Variants in USP40 observed in about 807,000 individuals in gnomAD.
The protein encoded by USP40 is ubiquitin carboxyl-terminal hydrolase 40.
Under a neutral mutation model 166.2 loss-of-function variants are expected in USP40, and 143 were observed. That is an observed-to-expected ratio of 0.86 (90% CI 0.75 to 0.99). The LOEUF (loss-of-function observed/expected upper bound fraction) is 0.99. USP40 is among the 50% of genes least tolerant of loss of function. The pLI is 0.00. For synonymous variants in USP40, 498 were observed against 524.0 expected (o/e 0.95, Z 0.68); for missense variants, 1,444 against 1,479.7 (o/e 0.98, Z 0.40).
At chr2:233,536,138 C>T (rs1253548379) in intron 10 of USP40, among the ~76,000 whole-genome samples, 9 of 151,956 alleles carry the variant, frequency 5.9e-5, no homozygotes, top group African/African-American at 1.7e-4. Context: ...AAAGAGTCAA[C>T]AGAATCAAAT....
chr2:233,477,870 C>T (rs1233711584), intron 31 of USP40, among the ~76,000 whole-genome samples: 1 of 152,260 alleles, frequency 6.6e-6, no homozygotes, highest in Non-Finnish European at 1.5e-5. Context: ...ATCACGCACA[C>T]CTGTGTGACA....
At chr2:233,478,137 C>T (rs548050009) in intron 31 of USP40, among the ~76,000 whole-genome samples, 1 of 152,376 alleles carries the variant, frequency 6.6e-6, no homozygotes, top group Admixed American at 6.5e-5. Context: ...CAGAATCTGG[C>T]CATGGTGAAT....
intron 4 of USP40, among the ~76,000 whole-genome samples, 181 bp downstream of exon 4, chr2:233,559,628 CTG>C (rs1483961775): frequency 1.3e-5 from 2 of 152,152 alleles, no homozygotes; most frequent in Non-Finnish European, 2.9e-5. Context: ...TCATAAAATC[CTG>C]TATACAGCAA....
At chr2:233,565,642 A>G in intron 1 of USP40, 69 bp from the exon 2 acceptor site, 1 of 1,298,046 alleles carries the variant, frequency 7.7e-7, no homozygotes, top group South Asian at 1.5e-5. Flanking sequence ...CCTACCTTAC[A>G]CTTGGGAGTC....
At chr2:233,561,209 C>T (rs368115807) in intron 3 of USP40, 2 of 1,567,588 alleles carry the variant, frequency 1.3e-6, no homozygotes, top group African/African-American at 1.4e-5. Context: ...CTCTTCTGGG[C>T]CAAGAGAAAA....
intron 13 of USP40, among the ~76,000 whole-genome samples, chr2:233,526,526 C>T (rs1426930545): frequency 6.6e-6 from 1 of 152,072 alleles, no homozygotes; most frequent in African/African-American, 2.4e-5. Flanking sequence ...AATTGCTTTG[C>T]TTTTCTTAGC....
At position 233,533,729 on chromosome 2, in the gene USP40, T is replaced by A; in HGVS notation, c.1221A>T (p.Thr407=). The A allele has an allele frequency of 3.1e-6, 5 of 1,612,632 alleles. No individual in the cohort carries two copies. The highest frequency in any genetic ancestry group is 4.2e-6 in the Non-Finnish European group (5 of 1,179,302). Reference sequence around the variant, plus strand: ...GAGAACTATTCTTCAAGAGACGAACTGTACTTTCATCTGAACTGAGTAGAA... The same window carrying A: ...GAGAACTATTCTTCAAGAGACGAACAGTACTTTCATCTGAACTGAGTAGAA... The part of the protein sequence containing the change: ...QIFLLSSDES[T]VRLLKNSSLQ... The change falls in exon 11 of 32, where the codon ACA becomes ACT. Residue 407 remains threonine (T), a synonymous_variant. Transcript: ENST00000678225.
chr2:233,492,119 C>G (rs1014654501), intron 25 of USP40, among the ~76,000 whole-genome samples: 2 of 152,212 alleles, frequency 1.3e-5, no homozygotes, highest in African/African-American at 4.8e-5. Flanking sequence ...TGATGTGATC[C>G]TATAAGATTA....
chr2:233,512,639 T>C lies in USP40; in HGVS notation c.2384-17A>G. On this transcript the variant is annotated splice_polypyrimidine_tract_variant and intron_variant, in intron 18 of 31. Transcript: ENST00000678225. Reference sequence around the variant, plus strand: ...TGTTGTCAGCTATATATAAAAGGAATATTATTTTTCTTAGAGAGCTAGGAA... The same window carrying C: ...TGTTGTCAGCTATATATAAAAGGAACATTATTTTTCTTAGAGAGCTAGGAA... 6.8e-7 allele frequency: 1 copy of C among 1,462,614 alleles called. No individual in the cohort carries two copies. The highest frequency in any genetic ancestry group is 9.2e-7 in the Non-Finnish European group (1 of 1,090,832). The allele number at this position is 1,462,614 out of a possible 1,614,324, so 90.6% of individuals were successfully genotyped here.
At chr2:233,494,885 T>C (rs1284188697) in intron 24 of USP40, among the ~76,000 whole-genome samples, 1 of 111,330 alleles carries the variant, frequency 9.0e-6, no homozygotes, top group Non-Finnish European at 1.8e-5. Flanking sequence ...GAATTTATCC[T>C]GTAGATATAC....
chr2:233,549,327 A>ACAGTGAAGTTT, intron 7 of USP40, 98 bp from the exon 8 acceptor site: 1 of 783,726 alleles, frequency 1.3e-6, no homozygotes. Context: ...TTAATAAGAA[A>ACAGTGAAGTTT]CTTCACTGTT....
chr2:233,544,879 T>C (rs2069764307), intron 8 of USP40, among the ~76,000 whole-genome samples: 1 of 152,148 alleles, frequency 6.6e-6, no homozygotes. Flanking sequence ...CACAAGTAGG[T>C]CCTCATGTGG....
chr2:233,477,557 G>A (rs1029045487), intron 31 of USP40, 54 bp from the exon 32 acceptor site: 24 of 1,513,284 alleles, frequency 1.6e-5, no homozygotes, highest in Middle Eastern at 3.4e-4. Flanking sequence ...GTGTCAGGGT[G>A]AGGGGTTCAC....
chr2:233,555,593 A>G (rs1259701814), intron 5 of USP40, among the ~76,000 whole-genome samples: 1 of 151,882 alleles, frequency 6.6e-6, no homozygotes, highest in Admixed American at 6.6e-5. Context: ...TAATTCAAAG[A>G]CACACGCAAC....
At position 233,486,001 on chromosome 2, in the gene USP40, C is replaced by G. The variant is rs771113235; in HGVS notation, c.3198-24G>C. On this transcript the variant is annotated intron_variant, in intron 28 of 31. Transcript: ENST00000678225. The surrounding 1 kb of genome is among the most constrained non-coding windows in gnomAD (Gnocchi z 4.0). The stretch of plus-strand genomic sequence containing the variant: ...GGCTGTACCAGAAAACCGTCAAGCG[C>G]CAGATCCAAACAAACAAACAAAACC... 2 of 1,546,814 alleles carry G rather than the reference C, an allele frequency of 1.3e-6. No homozygotes were observed. The highest frequency in any genetic ancestry group is 2.4e-5 in the South Asian group (2 of 81,956).
intron 4 of USP40, among the ~76,000 whole-genome samples, chr2:233,558,568 G>A (rs891553059): frequency 1.3e-5 from 2 of 152,204 alleles, no homozygotes; most frequent in Non-Finnish European, 2.9e-5. Flanking sequence ...CAAATTCATA[G>A]AGACAGAAAG....
At chr2:233,531,883 C>T (rs982698317) in intron 11 of USP40, among the ~76,000 whole-genome samples, 2 of 152,166 alleles carry the variant, frequency 1.3e-5, no homozygotes, top group African/African-American at 2.4e-5. Flanking sequence ...AGGCCTCATG[C>T]CTGTAATCCC....
At chr2:233,540,504 T>C (rs1445311115) in intron 10 of USP40, among the ~76,000 whole-genome samples, 158 bp downstream of exon 10, 1 of 152,216 alleles carries the variant, frequency 6.6e-6, no homozygotes, top group East Asian at 1.9e-4. Flanking sequence ...CAGTAAGTAA[T>C]ACTTAATAAG....
At chr2:233,514,580 A>G (rs1179037691) in intron 18 of USP40, among the ~76,000 whole-genome samples, 1 of 152,186 alleles carries the variant, frequency 6.6e-6, no homozygotes, top group Non-Finnish European at 1.5e-5. Context: ...AGGTTAAGGA[A>G]TTAACCTAAG....
Sources: gnomAD v4.1 joint callset for allele counts (sites outside exome capture counted in the v4.1 genomes callset) on GRCh38, gnomAD v4.1.1 for gene constraint, Gnocchi (gnomAD v3.1) non-coding constraint, MANE v1.5 for transcripts, NCBI Gene and HGNC (gene_info 2026-07-23, HGNC 2026-07-21) for gene names.